GRM8: variants seen among roughly 807,000 people sequenced by gnomAD.
GRM8 encodes the protein glutamate metabotropic receptor 8.
GRM8 carries 47 observed loss-of-function variants against 87.2 expected under a neutral mutation model. The observed-to-expected ratio is 0.54, with a 90% CI of 0.43 to 0.69. The LOEUF (loss-of-function observed/expected upper bound fraction) is 0.69. Ranked by LOEUF, GRM8 falls within the 30% of genes least tolerant of loss-of-function variation. The pLI is 0.00. For missense variants in GRM8, 1,019 were observed against 1,139.2 expected (o/e 0.89, Z 1.52); for synonymous variants, 396 against 404.5 (o/e 0.98, Z 0.25).
chr7:126,451,642 T>C (rs1802627589), intron 9 of GRM8, among the ~76,000 whole-genome samples: 1 of 151,798 alleles, frequency 6.6e-6, no homozygotes, highest in African/African-American at 2.4e-5. Context: ...ATCTTGACAA[T>C]GGTCCACAAG....
At chr7:126,829,778 A>G (rs1795180473) in intron 6 of GRM8, among the ~76,000 whole-genome samples, 1 of 151,336 alleles carries the variant, frequency 6.6e-6, no homozygotes, top group African/African-American at 2.4e-5. Context: ...TCATTAGTTG[A>G]TGTAGTTTCT....
chr7:127,201,257 C>G (rs1795574074), intron 2 of GRM8, among the ~76,000 whole-genome samples: 2 of 152,142 alleles, frequency 1.3e-5, no homozygotes, highest in Non-Finnish European at 2.9e-5. Flanking sequence ...CTTATTTGAT[C>G]TATATAAAAA....
At chr7:126,902,351 G>C (rs1329800640) in intron 6 of GRM8, among the ~76,000 whole-genome samples, 191 bp downstream of exon 6, 1 of 152,156 alleles carries the variant, frequency 6.6e-6, no homozygotes, top group African/African-American at 2.4e-5. Context: ...CTGATCCATT[G>C]AAAGAACCAA....
intron 7 of GRM8, among the ~76,000 whole-genome samples, chr7:126,649,739 G>T (rs570295480): frequency 6.6e-6 from 1 of 152,244 alleles, no homozygotes; most frequent in Admixed American, 6.5e-5. Flanking sequence ...TCCTCAGTTG[G>T]ATGTGTTACT....
intron 2 of GRM8, among the ~76,000 whole-genome samples, chr7:127,133,913 A>G (rs565102341): frequency 1.2e-4 from 19 of 152,148 alleles, no homozygotes; most frequent in Non-Finnish European, 2.8e-4. Flanking sequence ...CAAGAAAAGT[A>G]TATTTATTGA....
At chr7:127,164,653 T>C (rs1487265791) in intron 2 of GRM8, among the ~76,000 whole-genome samples, 2 of 152,174 alleles carry the variant, frequency 1.3e-5, no homozygotes, top group African/African-American at 2.4e-5. Context: ...TGGAAATCTT[T>C]ATAAAAACCT....
intron 9 of GRM8, among the ~76,000 whole-genome samples, chr7:126,469,764 G>C (rs542948392): frequency 6.6e-6 from 1 of 152,060 alleles, no homozygotes; most frequent in Non-Finnish European, 1.5e-5. Context: ...ACCTAGTCTC[G>C]AGTATGTCTT....
chr7:127,031,639 G>C (rs990393728), intron 3 of GRM8, among the ~76,000 whole-genome samples: 1 of 151,976 alleles, frequency 6.6e-6, no homozygotes, highest in African/African-American at 2.4e-5. Flanking sequence ...TATTCTCAAA[G>C]GTATGTTTAT....
Position 127,236,634 on chromosome 7 carries a change from T to C in GRM8, c.510+6061A>G, listed in dbSNP as rs373323980. Among the ~76,000 whole-genome samples the C allele has an allele frequency of 3.9e-5, 6 of 152,282 alleles. 1 individual carries two copies. The highest frequency in any genetic ancestry group is 1.2e-4 in the African/African-American group (5 of 41,572). On this transcript the variant is annotated intron_variant, in intron 2 of 10. Transcript: ENST00000339582. ...GGTCTCTCCTTTGACCTTTGGGGAT[T>C]ATAGGGATTACATTTCAAGATGAGA...
chr7:126,956,075 A>G lies in GRM8; in HGVS notation c.728-51392T>C, dbSNP rs183122121. 1.6e-3 allele frequency among the ~76,000 whole-genome samples: 250 copies of G among 152,294 alleles called. 1 individual carries two copies. The highest frequency in any genetic ancestry group is 5.8e-3 in the African/African-American group (242 of 41,584). On this transcript the variant is annotated intron_variant, in intron 3 of 10. Coordinates refer to ENST00000339582, the MANE Select transcript of GRM8 (RefSeq NM_000845.3). The stretch of plus-strand genomic sequence containing the variant: ...AATTTGACGTGTCCAACAGAGAGGG[A>G]CCAATTTTGGTATATTATCAACTAC...
At chr7:126,864,570 T>G (rs1462054560) in intron 6 of GRM8, among the ~76,000 whole-genome samples, 1 of 152,160 alleles carries the variant, frequency 6.6e-6, no homozygotes, top group Non-Finnish European at 1.5e-5. Flanking sequence ...AGTCTATACT[T>G]ATATACATAT....
At chr7:127,147,312 G>T (rs978091466) in intron 2 of GRM8, among the ~76,000 whole-genome samples, 18 of 152,030 alleles carry the variant, frequency 1.2e-4, no homozygotes, top group African/African-American at 4.3e-4. Context: ...AAGTAAAAAT[G>T]CTTCCTACTG....
chr7:127,138,267 T>G (rs1298680132), intron 2 of GRM8, among the ~76,000 whole-genome samples: 1 of 152,160 alleles, frequency 6.6e-6, no homozygotes, highest in African/African-American at 2.4e-5. Flanking sequence ...AAATTTTTTT[T>G]TGTTAATTTC....
intron 6 of GRM8, among the ~76,000 whole-genome samples, chr7:126,790,786 G>C (rs546671838): frequency 2.6e-4 from 40 of 152,194 alleles, no homozygotes; most frequent in African/African-American, 8.2e-4. Context: ...GAATGAGGAA[G>C]GGCAGCAGCG....
chr7:126,914,404 C>G (rs1459509694), intron 3 of GRM8, among the ~76,000 whole-genome samples: 1 of 152,190 alleles, frequency 6.6e-6, no homozygotes, highest in Non-Finnish European at 1.5e-5. Context: ...TTCAACCCAG[C>G]AACCCCATTA....
chr7:126,653,861 G>A (rs1804215638), intron 7 of GRM8, among the ~76,000 whole-genome samples: 1 of 152,178 alleles, frequency 6.6e-6, no homozygotes, highest in South Asian at 2.1e-4. Context: ...AATATGCATT[G>A]TGGGGAAGAA....
intron 2 of GRM8, among the ~76,000 whole-genome samples, chr7:127,173,482 T>C (rs535396961): frequency 5.9e-5 from 9 of 152,096 alleles, no homozygotes; most frequent in Non-Finnish European, 1.2e-4. Flanking sequence ...GAGTAGTAGA[T>C]GAAATTAGAG....
At chr7:127,027,852 G>C (rs1816943803) in intron 3 of GRM8, among the ~76,000 whole-genome samples, 1 of 152,136 alleles carries the variant, frequency 6.6e-6, no homozygotes, top group Admixed American at 6.5e-5. Context: ...GCCCTGGCCA[G>C]AACTTCCAAT....
intron 7 of GRM8, among the ~76,000 whole-genome samples, chr7:126,675,839 G>A (rs1806901487): frequency 1.3e-5 from 2 of 152,164 alleles, no homozygotes; most frequent in Non-Finnish European, 2.9e-5. Context: ...ACAAGATCAG[G>A]ATGCCCACTT....
Sources: gnomAD v4.1 joint callset for allele counts (sites outside exome capture counted in the v4.1 genomes callset) on GRCh38, gnomAD v4.1.1 for gene constraint, MANE v1.5 for transcripts, NCBI Gene and HGNC (gene_info 2026-07-23, HGNC 2026-07-21) for gene names.